The following PDE1C variants were observed in gnomAD, a reference collection of about 807,000 sequenced individuals.
The protein encoded by PDE1C is dual specificity calcium/calmodulin-dependent 3',5'-cyclic nucleotide phosphodiesterase 1C.
Under a neutral mutation model 93.1 loss-of-function variants are expected in PDE1C, and 62 were observed. The ratio of observed to expected loss-of-function variants is 0.67; its 90% CI spans 0.54 to 0.82. The LOEUF is 0.82. Ranked by LOEUF, PDE1C falls within the 40% of genes least tolerant of loss-of-function variation. The pLI is 0.00. For missense variants in PDE1C, 742 were observed against 884.6 expected, an observed-to-expected ratio of 0.84 and a Z score of 2.04; for synonymous variants, 325 against 310.1, an observed-to-expected ratio of 1.05 and a Z score of -0.50.
intron 1 of PDE1C, among the ~76,000 whole-genome samples, chr7:32,393,712 T>C (rs1784792883): frequency 6.6e-6 from 1 of 152,252 alleles, no homozygotes; most frequent in Admixed American, 6.5e-5. Context: ...AGTTTATTTA[T>C]ATTTTTCTAA....
chr7:32,311,355 A>C (rs1783036070), intron 1 of PDE1C, among the ~76,000 whole-genome samples: 1 of 152,242 alleles, frequency 6.6e-6, no homozygotes, highest in Non-Finnish European at 1.5e-5. Flanking sequence ...TTCCTTCTGA[A>C]ACTATTCCAA....
intron 1 of PDE1C, among the ~76,000 whole-genome samples, chr7:32,218,415 G>C (rs771755935): frequency 6.6e-6 from 1 of 152,226 alleles, no homozygotes; most frequent in Non-Finnish European, 1.5e-5. Context: ...CTCTCCTAGA[G>C]TAATGGGCAA....
intron 1 of PDE1C, among the ~76,000 whole-genome samples, chr7:32,314,774 G>A (rs1442083619): frequency 1.3e-5 from 2 of 151,898 alleles, no homozygotes; most frequent in Non-Finnish European, 2.9e-5. Flanking sequence ...GAATAGACAG[G>A]CAGCCCAAAA....
chr7:31,628,945 A>G, the PDE1C span, among the ~76,000 whole-genome samples: 2 of 152,336 alleles, frequency 1.3e-5, no homozygotes, highest in African/African-American at 4.8e-5. Flanking sequence ...GGAAAAAACA[A>G]AAACAAAAAA....
rs185995735 is a variant in PDE1C, at chr7:31,998,054, C to G, written c.128+53500G>C. The stretch of plus-strand genomic sequence containing the variant: ...TATTTTTTTGAGACGGAGTCTCACT[C>G]TGTTGCCCAGGCTGGAATGCAGTGG... On this transcript the variant is annotated intron_variant, in intron 2 of 17. Coordinates refer to ENST00000396191, the MANE Select transcript of PDE1C (RefSeq NM_001191057.4). 7.9e-5 allele frequency among the ~76,000 whole-genome samples: 12 copies of G among 151,762 alleles called. No individual in the cohort carries two copies. The East Asian group carries it at 1.9e-3, about 24-fold the overall frequency.
intron 2 of PDE1C, among the ~76,000 whole-genome samples, chr7:31,979,395 G>C (rs973076230): frequency 1.7e-4 from 26 of 152,114 alleles, no homozygotes; most frequent in Admixed American, 1.4e-3. Context: ...AATAATTCAA[G>C]TAAATACATA....
At chr7:32,287,379 T>C (rs529466566) in intron 1 of PDE1C, among the ~76,000 whole-genome samples, 70 of 152,222 alleles carry the variant, frequency 4.6e-4, no homozygotes, top group African/African-American at 1.6e-3. Context: ...GGCTCTCCCA[T>C]CGCCTCCCCA....
intron 1 of PDE1C, among the ~76,000 whole-genome samples, chr7:32,232,083 C>A (rs1056828609): frequency 1.3e-5 from 2 of 151,842 alleles, no homozygotes; most frequent in Non-Finnish European, 2.9e-5. Flanking sequence ...AAATCCTGGA[C>A]AGAATGCATG....
In PDE1C at chr7:31,759,454, C is replaced by T. The variant is rs116974642; in HGVS notation, c.1961-5901G>A. Among the ~76,000 whole-genome samples, 23 of 152,308 alleles carry T rather than the reference C, an allele frequency of 1.5e-4. No individual in the cohort carries two copies. In the East Asian group the frequency reaches 4.1e-3, roughly 27 times the overall value. Reference sequence around the variant, plus strand: ...AACCAAACCTGGATCCCCACCCCTGCCACAAATAAATGGTTGATTATCAGC... The same window carrying T: ...AACCAAACCTGGATCCCCACCCCTGTCACAAATAAATGGTTGATTATCAGC... On this transcript the variant is annotated intron_variant, in intron 17 of 17. Coordinates refer to ENST00000396191, the MANE Select transcript of PDE1C (RefSeq NM_001191057.4).
intron 1 of PDE1C, among the ~76,000 whole-genome samples, chr7:32,216,171 G>C (rs886437969): frequency 3.9e-5 from 6 of 152,116 alleles, no homozygotes; most frequent in Admixed American, 3.9e-4. Flanking sequence ...AGGAATGCTG[G>C]GGGGAAGGAG....
At position 31,939,767 on chromosome 7, in the gene PDE1C, A is replaced by T. The variant is rs1364791263; in HGVS notation, c.129-58907T>A. The stretch of plus-strand genomic sequence containing the variant: ...AAACTGATCAAGATAATACAAAGAA[A>T]GGAAGGGATAAAACTCAAGAGAGCA... On this transcript the variant is annotated intron_variant, in intron 2 of 17. Coordinates refer to ENST00000396191, the MANE Select transcript of PDE1C (RefSeq NM_001191057.4). Among the ~76,000 whole-genome samples, 3 of 152,228 alleles carry T rather than the reference A, an allele frequency of 2.0e-5. No individual in the cohort carries two copies. In the East Asian group the frequency reaches 5.8e-4, roughly 29 times the overall value.
chr7:31,771,020 C>A (rs1306629103), intron 17 of PDE1C, among the ~76,000 whole-genome samples: 1 of 151,772 alleles, frequency 6.6e-6, no homozygotes, highest in African/African-American at 2.4e-5. Context: ...GATTTTGAAC[C>A]ACTTCTTTTA....
At chr7:31,960,258 C>T (rs1808754874) in intron 2 of PDE1C, among the ~76,000 whole-genome samples, 1 of 152,140 alleles carries the variant, frequency 6.6e-6, no homozygotes, top group African/African-American at 2.4e-5. Flanking sequence ...AAGTGAAAAG[C>T]CCAACAACGG....
the PDE1C span, among the ~76,000 whole-genome samples, chr7:31,711,159 C>T: frequency 2.0e-5 from 3 of 152,156 alleles, no homozygotes; most frequent in Non-Finnish European, 4.4e-5. Flanking sequence ...CATCTGATGT[C>T]AAATATGTAT....
intron 1 of PDE1C, among the ~76,000 whole-genome samples, chr7:32,423,265 T>C (rs912293573): frequency 1.3e-5 from 2 of 152,164 alleles, no homozygotes; most frequent in Non-Finnish European, 1.5e-5. Flanking sequence ...TGGTCCCAAC[T>C]ACTCAGGAGG....
At chr7:31,925,767 A>G (rs925963108) in intron 2 of PDE1C, among the ~76,000 whole-genome samples, 5 of 152,196 alleles carry the variant, frequency 3.3e-5, no homozygotes, top group African/African-American at 1.2e-4. Context: ...CTGAGAATGA[A>G]GAGTGATTTC....
chr7:31,723,403 C>T, the PDE1C span, among the ~76,000 whole-genome samples: 1 of 152,208 alleles, frequency 6.6e-6, no homozygotes, highest in East Asian at 1.9e-4. Flanking sequence ...GATTGGTCCC[C>T]TCCTGATGTT....
intron 1 of PDE1C, among the ~76,000 whole-genome samples, chr7:32,411,001 C>A (rs1785159244): frequency 6.6e-6 from 1 of 152,160 alleles, no homozygotes; most frequent in Admixed American, 6.5e-5. Flanking sequence ...GATTCATAGA[C>A]TAATGGAACA....
chr7:31,795,737 T>G (rs1785202866), intron 16 of PDE1C, among the ~76,000 whole-genome samples: 2 of 151,768 alleles, frequency 1.3e-5, no homozygotes, highest in South Asian at 4.1e-4. Context: ...TCCCTTAGTA[T>G]AACACAATTT....
Sources: gnomAD v4.1 joint callset for allele counts (sites outside exome capture counted in the v4.1 genomes callset) on GRCh38, gnomAD v4.1.1 for gene constraint, MANE v1.5 for transcripts, NCBI Gene and HGNC (gene_info 2026-07-23, HGNC 2026-07-21) for gene names.